The following FOXP2 variants were observed in gnomAD, a reference collection of about 807,000 sequenced individuals.
FOXP2 encodes forkhead box P2, also known as forkhead box protein P2.
A neutral mutation model predicts 115.8 loss-of-function variants in FOXP2; 12 were observed. The ratio of observed to expected loss-of-function variants is 0.10; its 90% CI spans 0.07 to 0.17. The LOEUF (loss-of-function observed/expected upper bound fraction) is 0.17, where lower values mean the gene tolerates loss of function less well. FOXP2 is among the 10% of genes least tolerant of loss of function. The pLI, the probability that FOXP2 is intolerant of heterozygous loss-of-function variation, is 1.00. For synonymous variants in FOXP2, 328 were observed against 297.7 expected (o/e 1.10, Z -1.05); for missense variants, 629 against 843.5 (o/e 0.75, Z 3.15).
intron 1 of FOXP2, among the ~76,000 whole-genome samples, chr7:114,259,103 T>C (rs916589596): frequency 2.6e-5 from 4 of 152,170 alleles, no homozygotes; most frequent in Admixed American, 6.5e-5. Context: ...TCTAAAGTAA[T>C]ATCTGAGAGT....
intron 2 of FOXP2, among the ~76,000 whole-genome samples, chr7:114,339,827 T>A: frequency 6.6e-6 from 1 of 151,206 alleles, no homozygotes; most frequent in East Asian, 1.9e-4. Context: ...ACAGTTTTTT[T>A]ATGATTACCT....
chr7:114,120,694 A>ATG (rs759189896), intron 1 of FOXP2, among the ~76,000 whole-genome samples: 5 of 121,730 alleles, frequency 4.1e-5, no homozygotes, highest in East Asian at 4.8e-4. Flanking sequence ...GTGTGTGTAT[A>ATG]TGTATGTGTG....
At chr7:114,131,906 T>C (rs1791889178) in intron 1 of FOXP2, among the ~76,000 whole-genome samples, 1 of 152,128 alleles carries the variant, frequency 6.6e-6, no homozygotes, top group Admixed American at 6.6e-5. Flanking sequence ...GAGGACTAGG[T>C]GAAAAGACAT....
chr7:114,635,576 C>T (rs114143114), intron 6 of FOXP2, among the ~76,000 whole-genome samples: 1,538 of 152,022 alleles, frequency 0.01, 21 homozygotes, highest in African/African-American at 0.035. Flanking sequence ...CTAGTAAATA[C>T]TTACATATAT....
chr7:114,690,586 G>A lies in FOXP2; in HGVS notation c.*660G>A, dbSNP rs1808615318. On this transcript the variant is annotated 3_prime_UTR_variant, in exon 17 of 17. Coordinates refer to ENST00000350908, the MANE Select transcript of FOXP2 (RefSeq NM_014491.4). Reference sequence around the variant, plus strand: ...CTAAAACCTTAGGCTTCCAGTCTGTGCTGTTAGTGTTAAGATGTAAAGTGC... The same window carrying A: ...CTAAAACCTTAGGCTTCCAGTCTGTACTGTTAGTGTTAAGATGTAAAGTGC... 1 of 453,958 alleles carries A rather than the reference G, an allele frequency of 2.2e-6. No homozygotes were observed. Among genetic ancestry groups the A allele is most frequent in the Non-Finnish European group, 4.4e-6 (1 of 226,784 alleles). 28.1% of individuals were successfully genotyped at this position (453,958 alleles called of 1,614,324 possible).
intron 2 of FOXP2, among the ~76,000 whole-genome samples, chr7:114,440,042 T>A (rs1794532402): frequency 6.6e-6 from 1 of 152,222 alleles, no homozygotes; most frequent in African/African-American, 2.4e-5. Flanking sequence ...CTCATTCATA[T>A]GACTTTTAAC....
chr7:114,657,213 A>G (rs931278307), intron 10 of FOXP2, among the ~76,000 whole-genome samples: 2 of 152,196 alleles, frequency 1.3e-5, no homozygotes, highest in Non-Finnish European at 2.9e-5. Flanking sequence ...ATAATGAAGA[A>G]CAGGGCCTTT....
chr7:114,490,131 T>G (rs951878449), intron 2 of FOXP2, among the ~76,000 whole-genome samples: 4 of 152,160 alleles, frequency 2.6e-5, no homozygotes, highest in Non-Finnish European at 5.9e-5. Flanking sequence ...ATGTTTATAG[T>G]AGGGTTAATT....
chr7:114,142,468 T>A (rs1010388005), intron 1 of FOXP2, among the ~76,000 whole-genome samples: 6 of 152,308 alleles, frequency 3.9e-5, no homozygotes, highest in African/African-American at 1.4e-4. Flanking sequence ...AAACTATGAA[T>A]TTGAAATGAG....
upstream of FOXP2, among the ~76,000 whole-genome samples, chr7:114,161,344 A>G (rs1792825224): frequency 6.6e-6 from 1 of 152,190 alleles, no homozygotes; most frequent in Non-Finnish European, 1.5e-5. Context: ...ATTTTGAGAT[A>G]TTCTAGGTAA....
intron 13 of FOXP2, 175 bp from the exon 14 acceptor site, chr7:114,661,890 A>C: frequency 2.8e-6 from 2 of 726,392 alleles, no homozygotes; most frequent in Non-Finnish European, 4.4e-6. Context: ...CAAACTGCAG[A>C]TTCCAGTAAT....
rs142670125 is a variant in FOXP2, at chr7:114,396,669, G to GGGTGGT, written c.-10-29818_-10-29813dup. Among the ~76,000 whole-genome samples, 7 of 151,620 alleles carry GGGTGGT rather than the reference G, an allele frequency of 4.6e-5. No individual in the cohort carries two copies. In the East Asian group the frequency reaches 1.2e-3, roughly 25 times the overall value. On this transcript the variant is annotated intron_variant, in intron 2 of 17. Transcript: ENST00000634411. ...AATGATGGTTACTAGGGGGTTGAGA[G>GGGTGGT]GGTGGTGGTGGTGGTGGTGGGGTTG...
chr7:114,673,795 G>A (rs1807616511), intron 16 of FOXP2, among the ~76,000 whole-genome samples: 1 of 152,236 alleles, frequency 6.6e-6, no homozygotes, highest in South Asian at 2.1e-4. Flanking sequence ...TGCCTCGCAG[G>A]TTCAAGCAAT....
At chr7:114,572,539 G>A (rs1394779646) in intron 3 of FOXP2, among the ~76,000 whole-genome samples, 5 of 151,680 alleles carry the variant, frequency 3.3e-5, no homozygotes, top group African/African-American at 1.2e-4. Flanking sequence ...AACATCAAGT[G>A]CAATTATATT....
chr7:114,141,275 C>G (rs556123387), intron 1 of FOXP2, among the ~76,000 whole-genome samples: 1 of 152,114 alleles, frequency 6.6e-6, no homozygotes, highest in Non-Finnish European at 1.5e-5. Context: ...AGAAGCATTT[C>G]CCCCAATATC....
chr7:114,661,985 G>A, intron 13 of FOXP2, 80 bp from the exon 14 acceptor site: 2 of 1,546,632 alleles, frequency 1.3e-6, no homozygotes. Flanking sequence ...GATTAAGTAA[G>A]ATCAATAATG....
chr7:114,530,984 A>G (rs1029638829), intron 2 of FOXP2, among the ~76,000 whole-genome samples: 2 of 151,730 alleles, frequency 1.3e-5, no homozygotes, highest in African/African-American at 4.8e-5. Context: ...CTGATTTCAA[A>G]TTTTAAGATG....
chr7:114,095,690 G>C (rs1034812035), intron 1 of FOXP2, among the ~76,000 whole-genome samples: 1 of 152,168 alleles, frequency 6.6e-6, no homozygotes, highest in Non-Finnish European at 1.5e-5. Context: ...ACAATGTTGT[G>C]TTGGTCCTGT....
chr7:114,390,390 G>T (rs1013638859), intron 2 of FOXP2, among the ~76,000 whole-genome samples: 6 of 152,046 alleles, frequency 3.9e-5, no homozygotes, highest in African/African-American at 1.4e-4. Context: ...GAAGACTTGA[G>T]TTGAGAGTAT....
Sources: allele counts gnomAD v4.1 joint callset (sites outside exome capture counted in the v4.1 genomes callset), GRCh38; gene constraint gnomAD v4.1.1; transcripts MANE v1.5; gene names NCBI Gene and HGNC (gene_info 2026-07-23, HGNC 2026-07-21).